KMT2C: variants seen among roughly 807,000 people sequenced by gnomAD.
The protein encoded by KMT2C is histone-lysine N-methyltransferase 2C.
A neutral mutation model predicts 507.9 loss-of-function variants in KMT2C; 88 were observed. The ratio of observed to expected loss-of-function variants is 0.17; its 90% CI spans 0.15 to 0.21. The LOEUF (loss-of-function observed/expected upper bound fraction) is 0.21. KMT2C is among the 10% of genes least tolerant of loss of function. The pLI is 1.00. For missense variants in KMT2C, 4,954 were observed against 5,957.8 expected, an observed-to-expected ratio of 0.83 and a Z score of 5.55; for synonymous variants, 2,049 against 2,080.8, an observed-to-expected ratio of 0.98 and a Z score of 0.42.
At chr7:152,184,016 G>A (rs1028306100) in intron 34 of KMT2C, among the ~76,000 whole-genome samples, 1 of 148,936 alleles carries the variant, frequency 6.7e-6, no homozygotes, top group Non-Finnish European at 1.5e-5. Flanking sequence ...AGGTTGCAGT[G>A]AGCCGAGATC....
chr7:152,147,158 CTTTT>C (rs35312668), intron 52 of KMT2C, among the ~76,000 whole-genome samples: 1 of 146,514 alleles, frequency 6.8e-6, no homozygotes, highest in Non-Finnish European at 1.5e-5. Context: ...TATTTTCAGA[CTTTT>C]TTTTTTTAAG....
chr7:152,337,452 C>G (rs1346210654), intron 2 of KMT2C, among the ~76,000 whole-genome samples: 2 of 152,168 alleles, frequency 1.3e-5, no homozygotes, highest in Non-Finnish European at 2.9e-5. Context: ...CTCTTTTAAA[C>G]CTTTACTTTT....
At chr7:152,159,147 T>C in intron 43 of KMT2C, 75 bp from the exon 44 acceptor site, 1 of 1,226,326 alleles carries the variant, frequency 8.2e-7, no homozygotes, top group Non-Finnish European at 1.2e-6. Flanking sequence ...AGTGCCAAGC[T>C]ATGACGCGTC....
intron 9 of KMT2C, among the ~76,000 whole-genome samples, chr7:152,255,127 A>ATATATATG (rs1554583805): frequency 7.9e-6 from 1 of 126,658 alleles, no homozygotes; most frequent in African/African-American, 3.1e-5. Flanking sequence ...ATATATATAT[A>ATATATATG]TATATATATA....
intron 18 of KMT2C, among the ~76,000 whole-genome samples, chr7:152,227,391 C>T (rs547713021): frequency 6.6e-6 from 1 of 152,154 alleles, no homozygotes; most frequent in African/African-American, 2.4e-5. Context: ...TAATCTAATA[C>T]GGATACACGC....
chr7:152,255,132 T>TATATATAC (rs1563606641), intron 9 of KMT2C, among the ~76,000 whole-genome samples: 4 of 121,828 alleles, frequency 3.3e-5, no homozygotes, highest in African/African-American at 1.5e-4. Context: ...TATATATATA[T>TATATATAC]ATATATATAT....
intron 16 of KMT2C, among the ~76,000 whole-genome samples, chr7:152,231,908 C>A (rs1351819308): frequency 1.3e-5 from 2 of 151,920 alleles, no homozygotes; most frequent in Non-Finnish European, 2.9e-5. Flanking sequence ...GAGACAGAGT[C>A]TCACTATGTC....
At position 152,182,025 on chromosome 7, in the gene KMT2C, C is replaced by A. The variant is rs1349449226; in HGVS notation, c.5835G>T (p.Arg1945Ser). The A allele has an allele frequency of 6.2e-7, 1 of 1,614,078 alleles. No individual in the cohort carries two copies. Among genetic ancestry groups the A allele is most frequent in the South Asian group, 1.1e-5 (1 of 91,068 alleles). The change falls in exon 36 of 59, where the codon AGG becomes AGT. Residue 1945 changes from arginine (R) to serine (S), a missense_variant. Around this residue, in one of 29 missense-constraint regions of KMT2C, gnomAD observed 1,689 missense variants for 1,654.3 expected, o/e 1.02. Coordinates refer to ENST00000262189, the MANE Select transcript of KMT2C (RefSeq NM_170606.3). ...AACATAAATCTCTGACAGGGGATGGCCTATTTGCTGTTGTCTCATTCATTT... is the reference window on the plus strand; with the variant it reads ...AACATAAATCTCTGACAGGGGATGGACTATTTGCTGTTGTCTCATTCATTT... The part of the protein sequence containing the change: ...PLQMNETTAN[R>S]PSPVRDLCSS...
At chr7:152,308,293 A>G (rs950139410) in intron 6 of KMT2C, among the ~76,000 whole-genome samples, 10 of 152,184 alleles carry the variant, frequency 6.6e-5, no homozygotes, top group Non-Finnish European at 1.3e-4. Flanking sequence ...TGTTCTATCT[A>G]TTAAAGCCCA....
chr7:152,210,933 A>G (rs1378134190), intron 23 of KMT2C, among the ~76,000 whole-genome samples: 1 of 152,212 alleles, frequency 6.6e-6, no homozygotes, highest in Non-Finnish European at 1.5e-5. Flanking sequence ...TCACATCTGA[A>G]AAGCAGAATT....
intron 1 of KMT2C, among the ~76,000 whole-genome samples, chr7:152,375,498 G>A (rs2097322303): frequency 6.6e-6 from 1 of 150,778 alleles, no homozygotes; most frequent in African/African-American, 2.4e-5. Flanking sequence ...CAATTCTTCT[G>A]CCTCAGTCTC....
intron 31 of KMT2C, among the ~76,000 whole-genome samples, chr7:152,191,178 A>G (rs1312986994): frequency 1.3e-5 from 2 of 152,196 alleles, no homozygotes; most frequent in South Asian, 2.1e-4. Flanking sequence ...AATTACACAG[A>G]TAATTCCTAC....
intron 1 of KMT2C, among the ~76,000 whole-genome samples, chr7:152,384,180 A>C (rs1375621052): frequency 6.6e-6 from 1 of 152,168 alleles, no homozygotes; most frequent in East Asian, 1.9e-4. Flanking sequence ...TGCTGCCCCA[A>C]GAGTTCCACA....
chr7:152,138,904 C>CCTG lies in KMT2C; in HGVS notation c.14535-3_14535-1dup (p.Ala4844_Arg4845insSer). On this transcript the variant is annotated inframe_insertion and splice_region_variant. Coordinates refer to ENST00000262189, the MANE Select transcript of KMT2C (RefSeq NM_170606.3). The surrounding 1 kb of genome is among the most constrained non-coding windows in gnomAD (Gnocchi z 4.2). ...TAGGTGCACACGAATGGTTGATATA[C>CCTG]CTGCAAGCCACCATGTCAGAAAACT... 1 of 1,609,444 alleles carries CCTG rather than the reference C, an allele frequency of 6.2e-7. No individual in the cohort carries two copies. Among genetic ancestry groups the CCTG allele is most frequent in the Non-Finnish European group, 8.5e-7 (1 of 1,175,720 alleles).
At chr7:152,272,915 A>G (rs1265937386) in intron 7 of KMT2C, among the ~76,000 whole-genome samples, 1 of 152,158 alleles carries the variant, frequency 6.6e-6, no homozygotes, top group Non-Finnish European at 1.5e-5. Context: ...AGCTAACATT[A>G]GGTAACTAAG....
chr7:152,201,055 C>T (rs1299383648), intron 26 of KMT2C, among the ~76,000 whole-genome samples: 2 of 152,054 alleles, frequency 1.3e-5, no homozygotes, highest in Non-Finnish European at 2.9e-5. Context: ...GTTTAGAGGT[C>T]ATTTATTTAA....
chr7:152,228,938 CTTTCAT>C (rs2095022738), intron 18 of KMT2C, among the ~76,000 whole-genome samples: 1 of 152,130 alleles, frequency 6.6e-6, no homozygotes, highest in African/African-American at 2.4e-5. Context: ...TAATTACAAT[CTTTCAT>C]TTTGATTCCT....
chr7:152,271,080 C>T (rs1198485809), intron 7 of KMT2C, among the ~76,000 whole-genome samples: 1 of 151,520 alleles, frequency 6.6e-6, no homozygotes, highest in African/African-American at 2.4e-5. Context: ...AAATAACTAC[C>T]CTTTTTAAAG....
intron 3 of KMT2C, among the ~76,000 whole-genome samples, chr7:152,326,061 T>C (rs2070180025): frequency 6.6e-6 from 1 of 152,288 alleles, no homozygotes; most frequent in African/African-American, 2.4e-5. Flanking sequence ...TCTGATCCAT[T>C]GGTCTATTTG....
Sources: allele counts gnomAD v4.1 joint callset (sites outside exome capture counted in the v4.1 genomes callset), GRCh38; gene constraint gnomAD v4.1.1; regional missense constraint gnomAD v4.1.1; non-coding constraint Gnocchi (gnomAD v3.1); transcripts MANE v1.5; gene names NCBI Gene and HGNC (gene_info 2026-07-23, HGNC 2026-07-21).